Variants in EPHB1 observed in about 807,000 individuals in gnomAD.
The protein encoded by EPHB1 is EPH receptor B1, also known as ephrin type-B receptor 1.
A neutral mutation model predicts 94.4 loss-of-function variants in EPHB1; 30 were observed. That is an observed-to-expected ratio of 0.32 (90% CI 0.24 to 0.43). The LOEUF is 0.43. Ranked by LOEUF, EPHB1 falls within the 20% of genes least tolerant of loss-of-function variation. The pLI, the probability that EPHB1 is intolerant of heterozygous loss-of-function variation, is 1.00. For synonymous variants in EPHB1, 522 were observed against 489.1 expected (o/e 1.07, Z -0.89); for missense variants, 1,055 against 1,308.3 (o/e 0.81, Z 2.99).
intron 12 of EPHB1, among the ~76,000 whole-genome samples, chr3:135,222,418 G>A (rs1420812795): frequency 2.0e-5 from 3 of 152,122 alleles, no homozygotes; most frequent in African/African-American, 7.2e-5. Flanking sequence ...TGGAAGTCCC[G>A]CGGTTCTCAT....
intron 1 of EPHB1, among the ~76,000 whole-genome samples, chr3:134,896,611 C>G (rs577069021): frequency 3.7e-4 from 56 of 152,310 alleles, no homozygotes; most frequent in African/African-American, 1.3e-3. Flanking sequence ...ATCGATGGCC[C>G]CACTAAGCAT....
rs975138395 is a variant in EPHB1 at position 135,154,286 on chromosome 3, C to A, written c.1422+10C>A. On this transcript the variant is annotated intron_variant, in intron 6 of 15. Coordinates refer to ENST00000398015, the MANE Select transcript of EPHB1 (RefSeq NM_004441.5). ...CCGGTACTATGAGAAGGTGAGCCAG[C>A]TCTACCTGCAAGCTTGCAAGACCCA... is the stretch of plus-strand genomic sequence containing the variant. 2.5e-6 allele frequency: 4 copies of A among 1,613,670 alleles called. No individual in the cohort carries two copies. In the African/African-American group the frequency reaches 5.3e-5, roughly 22 times the overall value.
At chr3:135,046,578 G>C (rs1937007391) in intron 3 of EPHB1, among the ~76,000 whole-genome samples, 1 of 152,202 alleles carries the variant, frequency 6.6e-6, no homozygotes, top group Non-Finnish European at 1.5e-5. Flanking sequence ...GTGTCTGTGT[G>C]TTTGGGCAAG....
Position 134,918,126 on chromosome 3 carries a change from A to G in EPHB1, c.59-7690A>G, listed in dbSNP as rs116382953. On this transcript the variant is annotated intron_variant, in intron 1 of 15. Coordinates refer to ENST00000398015, the MANE Select transcript of EPHB1 (RefSeq NM_004441.5). ...GCTCTGTGCTCTGAAGTTACTTCGA[A>G]TAAACTCAGATATATAAAGTGATAA... Among the ~76,000 whole-genome samples, 877 of 152,356 alleles carry G rather than the reference A, an allele frequency of 5.8e-3. 4 individuals carry two copies. Among genetic ancestry groups the G allele is most frequent in the African/African-American group, 0.02 (832 of 41,570 alleles).
chr3:134,959,213 C>T (rs76181015), intron 3 of EPHB1, among the ~76,000 whole-genome samples: 2,682 of 152,272 alleles, frequency 0.018, 85 homozygotes, highest in African/African-American at 0.061. Flanking sequence ...TCTTCACCAA[C>T]GTCTTCCCAT....
At chr3:134,933,453 G>T (rs1352673810) in intron 2 of EPHB1, among the ~76,000 whole-genome samples, 3 of 115,946 alleles carry the variant, frequency 2.6e-5, no homozygotes, top group African/African-American at 1.1e-4. Flanking sequence ...TTCCTGTGTT[G>T]TGGAGAGCCT....
chr3:135,181,521 G>A (rs774469474), intron 10 of EPHB1, among the ~76,000 whole-genome samples: 2 of 152,120 alleles, frequency 1.3e-5, no homozygotes, highest in African/African-American at 4.8e-5. Context: ...TTGGGGAGGC[G>A]GGCTTTCAGT....
chr3:135,013,266 G>C (rs1034691036), intron 3 of EPHB1, among the ~76,000 whole-genome samples: 8 of 152,228 alleles, frequency 5.3e-5, no homozygotes, highest in African/African-American at 1.7e-4. Flanking sequence ...TCGGGATTGA[G>C]TGAGTAGCAG....
intron 13 of EPHB1, among the ~76,000 whole-genome samples, chr3:135,247,507 A>G (rs1459026758): frequency 6.6e-6 from 1 of 152,226 alleles, no homozygotes; most frequent in African/African-American, 2.4e-5. Context: ...AGCACAGTGT[A>G]GGCATAATTG....
intron 1 of EPHB1, among the ~76,000 whole-genome samples, chr3:134,816,402 T>C (rs1191691411): frequency 1.3e-5 from 2 of 151,884 alleles, no homozygotes; most frequent in Non-Finnish European, 2.9e-5. Context: ...TGGATTTTTT[T>C]CCTGAAGCAG....
chr3:134,829,109 C>T (rs1396438655), intron 1 of EPHB1, among the ~76,000 whole-genome samples: 3 of 152,190 alleles, frequency 2.0e-5, no homozygotes, highest in Non-Finnish European at 4.4e-5. Flanking sequence ...GGAAAACTCT[C>T]ATATGGAGTG....
intron 1 of EPHB1, among the ~76,000 whole-genome samples, chr3:134,845,052 C>T (rs149571186): frequency 3.4e-4 from 52 of 152,362 alleles, no homozygotes; most frequent in Non-Finnish European, 6.9e-4. Flanking sequence ...ATGTTTATTG[C>T]ACTCATAATC....
chr3:134,868,219 T>C (rs2037421581), intron 1 of EPHB1, among the ~76,000 whole-genome samples: 1 of 152,238 alleles, frequency 6.6e-6, no homozygotes, highest in Non-Finnish European at 1.5e-5. Flanking sequence ...CAAAGAGTTA[T>C]ATTTTAACTT....
At chr3:135,212,826 T>A (rs1212579073) in intron 12 of EPHB1, among the ~76,000 whole-genome samples, 1 of 152,206 alleles carries the variant, frequency 6.6e-6, no homozygotes, top group Non-Finnish European at 1.5e-5. Context: ...TTTCCTGTAT[T>A]TTCTTTTTCC....
At chr3:135,040,317 A>G (rs1231949232) in intron 3 of EPHB1, among the ~76,000 whole-genome samples, 2 of 152,236 alleles carry the variant, frequency 1.3e-5, no homozygotes, top group Non-Finnish European at 2.9e-5. Flanking sequence ...CAATAAGCCC[A>G]AGCTGATCTT....
At chr3:134,944,377 A>G (rs2039178281) in intron 2 of EPHB1, among the ~76,000 whole-genome samples, 1 of 152,180 alleles carries the variant, frequency 6.6e-6, no homozygotes, top group Non-Finnish European at 1.5e-5. Flanking sequence ...CTTGACAACA[A>G]AGGGTCTTAG....
intron 15 of EPHB1, among the ~76,000 whole-genome samples, chr3:135,249,814 G>A (rs746101067): frequency 8.6e-5 from 13 of 151,384 alleles, no homozygotes; most frequent in African/African-American, 2.9e-4. Context: ...AAAGAACACA[G>A]CCATCTAGTA....
chr3:135,135,294 A>G (rs1172372161), intron 5 of EPHB1, among the ~76,000 whole-genome samples: 2 of 146,310 alleles, frequency 1.4e-5, no homozygotes, highest in African/African-American at 5.0e-5. Context: ...TTCCTAATCT[A>G]TGGGCTGTGG....
intron 2 of EPHB1, among the ~76,000 whole-genome samples, chr3:134,946,629 G>A (rs984697114): frequency 2.6e-5 from 4 of 152,180 alleles, no homozygotes; most frequent in African/African-American, 9.7e-5. Context: ...GTGGCACCTA[G>A]CAGGAGGTGT....
Sources: allele counts gnomAD v4.1 joint callset (sites outside exome capture counted in the v4.1 genomes callset), GRCh38; gene constraint gnomAD v4.1.1; transcripts MANE v1.5; gene names NCBI Gene and HGNC (gene_info 2026-07-23, HGNC 2026-07-21).